Variants in CENPC observed in about 807,000 individuals in gnomAD.
The protein encoded by CENPC is centromere protein C, also known as CENP-C 1.
A neutral mutation model predicts 112.1 loss-of-function variants in CENPC; 63 were observed. That is an observed-to-expected ratio of 0.56 (90% CI 0.46 to 0.69). The LOEUF (loss-of-function observed/expected upper bound fraction) is 0.69, where lower values mean the gene tolerates loss of function less well. Among genes scored for constraint, CENPC ranks in the 30% least tolerant of loss-of-function variants. The pLI, the probability that CENPC is intolerant of heterozygous loss-of-function variation, is 0.00. For missense variants in CENPC, 1,000 were observed against 1,103.8 expected (o/e 0.91, Z 1.33); for synonymous variants, 333 against 367.6 (o/e 0.91, Z 1.08).
intron 12 of CENPC, among the ~76,000 whole-genome samples, chr4:67,500,983 G>A (rs1422434807): frequency 6.6e-6 from 1 of 152,016 alleles, no homozygotes; most frequent in African/African-American, 2.4e-5. Context: ...GAGAAACCTG[G>A]CAGACAATAA....
At chr4:67,537,793 A>C (rs1172766791) in intron 4 of CENPC, among the ~76,000 whole-genome samples, 2 of 152,094 alleles carry the variant, frequency 1.3e-5, no homozygotes, top group Non-Finnish European at 2.9e-5. Context: ...ACTTTGTCTC[A>C]AGACAGATAG....
intron 17 of CENPC, among the ~76,000 whole-genome samples, chr4:67,481,642 C>G (rs1440312468): frequency 6.6e-6 from 1 of 152,020 alleles, no homozygotes; most frequent in Non-Finnish European, 1.5e-5. Context: ...AACAAAAACA[C>G]TAAGTAGGGA....
intron 4 of CENPC, among the ~76,000 whole-genome samples, chr4:67,536,947 T>C (rs1726735617): frequency 6.6e-6 from 1 of 151,110 alleles, no homozygotes. Context: ...ATCCCAGCTA[T>C]TCCTTAGCTT....
At chr4:67,491,862 A>AAC (rs1325470165) in intron 16 of CENPC, among the ~76,000 whole-genome samples, 4 of 152,060 alleles carry the variant, frequency 2.6e-5, no homozygotes, top group Non-Finnish European at 4.4e-5. Context: ...ATTCCCCATA[A>AAC]ACAGCCTCTG....
At chr4:67,491,454 T>TATAA (rs1266410409) in intron 16 of CENPC, among the ~76,000 whole-genome samples, 4 of 29,650 alleles carry the variant, frequency 1.3e-4, no homozygotes, top group African/African-American at 4.3e-4. Context: ...TTCATATATA[T>TATAA]ATATATATAT....
At chr4:67,534,401 T>C (rs1169822057) in intron 4 of CENPC, among the ~76,000 whole-genome samples, 1 of 152,074 alleles carries the variant, frequency 6.6e-6, no homozygotes, top group Non-Finnish European at 1.5e-5. Context: ...AGGAGTGCTT[T>C]TTCTCAAAAA....
chr4:67,510,238 C>A (rs1396309979), intron 9 of CENPC, among the ~76,000 whole-genome samples: 1 of 152,144 alleles, frequency 6.6e-6, no homozygotes, highest in Non-Finnish European at 1.5e-5. Flanking sequence ...AAGAAAAGAT[C>A]AAGCTCTCTG....
At chr4:67,542,440 G>A (rs1374897856) in intron 2 of CENPC, among the ~76,000 whole-genome samples, 1 of 152,170 alleles carries the variant, frequency 6.6e-6, no homozygotes, top group Non-Finnish European at 1.5e-5. Context: ...TGCATTATCA[G>A]GTCATCCATC....
chr4:67,544,019 T>C, intron 2 of CENPC, 130 bp downstream of exon 2: 3 of 628,450 alleles, frequency 4.8e-6, no homozygotes, highest in South Asian at 1.8e-5. Flanking sequence ...TAGTATAAGA[T>C]GACTACCCTT....
intron 12 of CENPC, among the ~76,000 whole-genome samples, chr4:67,497,874 A>G (rs1015157797): frequency 7.2e-5 from 11 of 151,874 alleles, no homozygotes; most frequent in African/African-American, 2.2e-4. Context: ...AATGTGCAAG[A>G]GCATTATGTC....
At chr4:67,544,766 A>T (rs966376029) in intron 1 of CENPC, among the ~76,000 whole-genome samples, 1 of 152,218 alleles carries the variant, frequency 6.6e-6, no homozygotes, top group Non-Finnish European at 1.5e-5. Context: ...GAGTTTGTCA[A>T]TAACATATGC....
chr4:67,542,249 C>G (rs1397689828), intron 2 of CENPC, among the ~76,000 whole-genome samples: 1 of 152,166 alleles, frequency 6.6e-6, no homozygotes, highest in Non-Finnish European at 1.5e-5. Flanking sequence ...CCAAAAGCAA[C>G]CACAGACAGT....
Position 67,506,777 on chromosome 4 carries a change from T to C in CENPC, c.2051+11A>G, listed in dbSNP as rs1308426388. 5 of 1,572,020 alleles carry C rather than the reference T, an allele frequency of 3.2e-6. No homozygotes were observed. The South Asian group carries it at 5.8e-5, about 18-fold the overall frequency. ...ATATATACAACTATTATCCTTACAA[T>C]ACACGCATACCTTTCCTCTAAAACT... is the stretch of plus-strand genomic sequence containing the variant. On this transcript the variant is annotated intron_variant, in intron 11 of 18. Coordinates refer to ENST00000273853, the MANE Select transcript of CENPC (RefSeq NM_001812.4).
At position 67,529,655 on chromosome 4, in the gene CENPC, A is replaced by G. The variant is rs200996486; in HGVS notation, c.331+1160T>C. Among the ~76,000 whole-genome samples the G allele has an allele frequency of 3.4e-4, 52 of 152,298 alleles. No individual in the cohort carries two copies. The East Asian group carries it at 9.2e-3, about 27-fold the overall frequency. ...ATTAACATTTTTATAAGAAAGAAACATAACTTATTTTGTAAAAAACCTAAA... is the reference window on the plus strand; with the variant it reads ...ATTAACATTTTTATAAGAAAGAAACGTAACTTATTTTGTAAAAAACCTAAA... On this transcript the variant is annotated intron_variant, in intron 5 of 18. Transcript: ENST00000273853.
At chr4:67,542,672 G>A (rs960827458) in intron 2 of CENPC, among the ~76,000 whole-genome samples, 1 of 152,094 alleles carries the variant, frequency 6.6e-6, no homozygotes, top group African/African-American at 2.4e-5. Context: ...TTGCAGATAG[G>A]CAAACTGAAA....
intron 12 of CENPC, among the ~76,000 whole-genome samples, chr4:67,498,933 C>A (rs1725513845): frequency 6.6e-6 from 1 of 152,200 alleles, no homozygotes; most frequent in African/African-American, 2.4e-5. Context: ...CAGCTACTGC[C>A]TTACAAAATT....
In CENPC at chr4:67,492,213, T is replaced by C. The variant is rs199998234; in HGVS notation, c.2482A>G (p.Lys828Glu). The C allele has an allele frequency of 3.2e-6, 5 of 1,568,696 alleles. No homozygotes were observed. The Admixed American group carries it at 7.5e-5, about 23-fold the overall frequency. Residue 828 changes from lysine (K) to glutamate (E), a missense_variant, in exon 16 of 19, where the codon AAG (lysine) becomes GAG (glutamate). Transcript: ENST00000273853. ...LGDPLQPTRV[K>E]DPETREIILM... ...ATAATCTCTCTTGTTTCTGGGTCCTTTACCCTCGTTGGCTGCAAAGGATCT... is the reference window on the plus strand; with the variant it reads ...ATAATCTCTCTTGTTTCTGGGTCCTCTACCCTCGTTGGCTGCAAAGGATCT...
At chr4:67,505,140 T>A (rs1034806944) in intron 12 of CENPC, 65 bp downstream of exon 12, 10 of 1,130,904 alleles carry the variant, frequency 8.8e-6, no homozygotes, top group Non-Finnish European at 1.3e-5. Context: ...AAACAAAACA[T>A]AGCACTCCTT....
At chr4:67,528,491 C>G (rs886387125) in intron 5 of CENPC, among the ~76,000 whole-genome samples, 4 of 152,148 alleles carry the variant, frequency 2.6e-5, no homozygotes, top group Non-Finnish European at 5.9e-5. Flanking sequence ...CTACCACAAT[C>G]CCCTGCAACT....
Sources: allele counts gnomAD v4.1 joint callset (sites outside exome capture counted in the v4.1 genomes callset), GRCh38; gene constraint gnomAD v4.1.1; transcripts MANE v1.5; gene names NCBI Gene and HGNC (gene_info 2026-07-23, HGNC 2026-07-21).